Variants in SGCD observed in about 807,000 individuals in gnomAD.
SGCD encodes the protein sarcoglycan delta, also known as delta-sarcoglycan.
In SGCD, 18 loss-of-function variants were observed where a neutral mutation model predicts 36.6. The ratio of observed to expected loss-of-function variants is 0.49; its 90% CI spans 0.34 to 0.73. The LOEUF is 0.73. Ranked by LOEUF, SGCD falls within the 30% of genes least tolerant of loss-of-function variation. The pLI is 0.01. For missense variants in SGCD, 387 were observed against 346.7 expected (o/e 1.12, Z -0.92); for synonymous variants, 133 against 130.6 (o/e 1.02, Z -0.12).
At chr5:155,890,253 A>G (rs1290715299) in intron 1 of SGCD, among the ~76,000 whole-genome samples, 1 of 150,436 alleles carries the variant, frequency 6.6e-6, no homozygotes, top group African/African-American at 2.5e-5. Flanking sequence ...GATTGTTTGG[A>G]TATAGGAAAC....
At chr5:156,353,399 C>A (rs1184395525) in intron 3 of SGCD, among the ~76,000 whole-genome samples, 1 of 152,130 alleles carries the variant, frequency 6.6e-6, no homozygotes, top group East Asian at 1.9e-4. Flanking sequence ...ATTTTTAATA[C>A]AGACACTCGC....
intron 2 of SGCD, among the ~76,000 whole-genome samples, chr5:156,120,929 A>T (rs1395920207): frequency 6.6e-6 from 1 of 152,128 alleles, no homozygotes; most frequent in African/African-American, 2.4e-5. Context: ...GTGCCTTGAC[A>T]TTCCAGAACC....
intron 3 of SGCD, among the ~76,000 whole-genome samples, chr5:156,507,252 G>A (rs1756742595): frequency 6.6e-6 from 1 of 152,170 alleles, no homozygotes; most frequent in Non-Finnish European, 1.5e-5. Flanking sequence ...GAGAATGGAA[G>A]AAGGATACAG....
In SGCD at chr5:156,670,727, A is replaced by C. The variant is rs183219064; in HGVS notation, c.575+23191A>C. On this transcript the variant is annotated intron_variant, in intron 7 of 8. Coordinates refer to ENST00000337851, the MANE Select transcript of SGCD (RefSeq NM_000337.6). The stretch of plus-strand genomic sequence containing the variant: ...TCCAGAACTTTCCATGGTTTATTAG[A>C]CTATAATATGAATGAGAGTAAGACG... Among the ~76,000 whole-genome samples, 130 of 152,302 alleles carry C rather than the reference A, an allele frequency of 8.5e-4. 1 individual carries two copies. The highest frequency in any genetic ancestry group is 2.9e-3 in the African/African-American group (122 of 41,564).
At chr5:156,107,669 A>G (rs914728117) in intron 1 of SGCD, among the ~76,000 whole-genome samples, 8 of 152,058 alleles carry the variant, frequency 5.3e-5, no homozygotes, top group Non-Finnish European at 8.8e-5. Context: ...GGCAACTGAA[A>G]GTAGTTGATC....
chr5:156,194,788 A>G (rs906222794), intron 3 of SGCD, among the ~76,000 whole-genome samples: 4 of 152,120 alleles, frequency 2.6e-5, no homozygotes, highest in Non-Finnish European at 1.5e-5. Flanking sequence ...TACTGTTTGT[A>G]TGATCTTGGG....
At chr5:155,868,931 A>G (rs1755576353), upstream of SGCD, among the ~76,000 whole-genome samples, 1 of 152,194 alleles carries the variant, frequency 6.6e-6, no homozygotes. Context: ...TAATTATTAT[A>G]GAGACTATTA....
At chr5:155,983,038 T>C (rs1204795934) in intron 1 of SGCD, among the ~76,000 whole-genome samples, 1 of 152,226 alleles carries the variant, frequency 6.6e-6, no homozygotes, top group Non-Finnish European at 1.5e-5. Flanking sequence ...AATAGGCTGC[T>C]AAATAATTAG....
intron 1 of SGCD, among the ~76,000 whole-genome samples, chr5:155,929,517 A>T (rs1283080558): frequency 2.6e-5 from 4 of 151,522 alleles, no homozygotes; most frequent in African/African-American, 9.7e-5. Context: ...TTTACCTTCC[A>T]CTCTTAAGAT....
At chr5:155,803,077 T>G in the SGCD span, among the ~76,000 whole-genome samples, 1 of 152,348 alleles carries the variant, frequency 6.6e-6, no homozygotes, top group African/African-American at 2.4e-5. Context: ...AATCCAGATA[T>G]AGTCCCTTTC....
rs553562412 is a variant in SGCD at position 156,002,965 on chromosome 5, A to C, written c.-281-114913A>C. Among the ~76,000 whole-genome samples the C allele has an allele frequency of 2.0e-5, 3 of 152,366 alleles. No homozygotes were observed. The South Asian group carries it at 6.2e-4, about 32-fold the overall frequency. On this transcript the variant is annotated intron_variant, in intron 1 of 9. Transcript: ENST00000517913. ...TTTTTAGTGTCACCTTCTTGCTTAAAGCCATTCCTATTGCACTTAGAATAA... is the reference window on the plus strand; with the variant it reads ...TTTTTAGTGTCACCTTCTTGCTTAACGCCATTCCTATTGCACTTAGAATAA...
At chr5:156,017,170 A>C (rs972215643) in intron 1 of SGCD, among the ~76,000 whole-genome samples, 4 of 152,182 alleles carry the variant, frequency 2.6e-5, no homozygotes, top group Non-Finnish European at 5.9e-5. Flanking sequence ...ACCATCTAAA[A>C]ATATCTTTGT....
chr5:155,890,655 G>GATAC (rs1338241105), intron 1 of SGCD, among the ~76,000 whole-genome samples: 1 of 149,566 alleles, frequency 6.7e-6, no homozygotes, highest in East Asian at 1.9e-4. Flanking sequence ...TAGATAGATA[G>GATAC]ATAGATAGAT....
At chr5:156,270,470 T>A (rs989036849) in intron 3 of SGCD, among the ~76,000 whole-genome samples, 2 of 152,178 alleles carry the variant, frequency 1.3e-5, no homozygotes, top group Non-Finnish European at 2.9e-5. Flanking sequence ...TTAAAGATAA[T>A]TAAAATATCA....
chr5:155,751,518 C>T, the SGCD span, among the ~76,000 whole-genome samples: 1 of 152,068 alleles, frequency 6.6e-6, no homozygotes, highest in Non-Finnish European at 1.5e-5. Context: ...TCCCCAGTGG[C>T]TGGGACTACA....
At chr5:156,413,874 T>A (rs1232760657) in intron 3 of SGCD, among the ~76,000 whole-genome samples, 1 of 152,086 alleles carries the variant, frequency 6.6e-6, no homozygotes, top group East Asian at 1.9e-4. Context: ...GTAGCAAGTG[T>A]CTTCACAAAG....
the SGCD span, among the ~76,000 whole-genome samples, chr5:155,835,438 C>T: frequency 6.6e-6 from 1 of 152,108 alleles, no homozygotes; most frequent in Non-Finnish European, 1.5e-5. Context: ...TTCTCTAAAT[C>T]CTACTGTGTT....
At chr5:156,367,727 G>A (rs1770179898) in intron 3 of SGCD, among the ~76,000 whole-genome samples, 1 of 152,208 alleles carries the variant, frequency 6.6e-6, no homozygotes, top group Admixed American at 6.5e-5. Flanking sequence ...GCCAGACGGG[G>A]AGTTAGCATT....
chr5:155,928,865 G>C (rs1207981081), intron 1 of SGCD, among the ~76,000 whole-genome samples: 2 of 151,990 alleles, frequency 1.3e-5, no homozygotes, highest in East Asian at 3.9e-4. Flanking sequence ...GCATCTCCAA[G>C]GATATCTTTA....
Sources: allele counts gnomAD v4.1 joint callset (sites outside exome capture counted in the v4.1 genomes callset), GRCh38; gene constraint gnomAD v4.1.1; transcripts MANE v1.5; gene names NCBI Gene and HGNC (gene_info 2026-07-23, HGNC 2026-07-21).